Variants in KDM1B observed in about 807,000 individuals in gnomAD.
The protein encoded by KDM1B is lysine demethylase 1B, also known as lysine-specific histone demethylase 2.
Under a neutral mutation model 107.4 loss-of-function variants are expected in KDM1B, and 63 were observed. The observed-to-expected ratio is 0.59, with a 90% CI of 0.48 to 0.72. The LOEUF (loss-of-function observed/expected upper bound fraction) is 0.72. Ranked by LOEUF, KDM1B falls within the 30% of genes least tolerant of loss-of-function variation. The pLI is 0.00. For synonymous variants in KDM1B, 363 were observed against 363.9 expected, an observed-to-expected ratio of 1.00 and a Z score of 0.03; for missense variants, 749 against 1,020.8, an observed-to-expected ratio of 0.73 and a Z score of 3.63.
rs145386765 is a variant in KDM1B at position 18,206,787 on chromosome 6, G to A, written c.1660-611G>A. On this transcript the variant is annotated intron_variant, in intron 15 of 21. Transcript: ENST00000650836. Reference sequence around the variant, plus strand: ...GGCCTTGGGTCATTTCTGTGGAACCGTGGAGTCGGAAACACTGCTCTCGAG... The same window carrying A: ...GGCCTTGGGTCATTTCTGTGGAACCATGGAGTCGGAAACACTGCTCTCGAG... Among the ~76,000 whole-genome samples the A allele has an allele frequency of 1.1e-3, 175 of 152,194 alleles. 1 individual carries two copies. Among genetic ancestry groups the A allele is most frequent in the African/African-American group, 3.9e-3 (162 of 41,520 alleles).
chr6:18,177,163 G>A (rs1786074168), intron 7 of KDM1B, among the ~76,000 whole-genome samples: 1 of 152,094 alleles, frequency 6.6e-6, no homozygotes, highest in African/African-American at 2.4e-5. Context: ...GGCCTGTTCA[G>A]GGTATCTAAT....
At chr6:18,171,315 C>T (rs779241881) in intron 6 of KDM1B, 48 bp from the exon 7 acceptor site, 1 of 927,568 alleles carries the variant, frequency 1.1e-6, no homozygotes, top group African/African-American at 1.6e-5. Flanking sequence ...GAAATGGTAA[C>T]TGAAGATTAG....
intron 3 of KDM1B, among the ~76,000 whole-genome samples, chr6:18,160,196 C>T (rs966655279): frequency 3.9e-5 from 6 of 152,098 alleles, no homozygotes; most frequent in Admixed American, 1.3e-4. Flanking sequence ...AGTATAAAGG[C>T]GTAGAGTGTG....
chr6:18,206,093 T>A lies in KDM1B; in HGVS notation c.1659+429T>A, dbSNP rs192859333. On this transcript the variant is annotated intron_variant, in intron 15 of 21. Transcript: ENST00000650836. ...GGAAAGAATGATTCTCCTTAAAAGT[T>A]TGAAAACCATGACTTCTGAGCATAT... 2.2e-3 allele frequency among the ~76,000 whole-genome samples: 331 copies of A among 152,252 alleles called. 2 individuals carry two copies. The highest frequency in any genetic ancestry group is 7.4e-3 in the African/African-American group (308 of 41,558).
In KDM1B at chr6:18,159,213, G is replaced by C. The variant is rs919040356; in HGVS notation, c.-13-670G>C. ...GAACTCCTGACCTCATGATCCGCCT[G>C]CCTGGGCCTTGCAAAGTGCTGGGAT... On this transcript the variant is annotated intron_variant, in intron 2 of 21. Transcript: ENST00000650836. The surrounding 1 kb of genome is among the most constrained non-coding windows in gnomAD (Gnocchi z 4.5). Among the ~76,000 whole-genome samples the C allele has an allele frequency of 6.6e-6, 1 of 152,126 alleles. No homozygotes were observed. The highest frequency in any genetic ancestry group is 1.5e-5 in the Non-Finnish European group (1 of 68,032).
chr6:18,218,149 C>T (rs1789392095), intron 21 of KDM1B, among the ~76,000 whole-genome samples: 7 of 152,066 alleles, frequency 4.6e-5, no homozygotes, highest in Admixed American at 4.6e-4. Context: ...GAGACAGGGT[C>T]TCGCTCTGTG....
chr6:18,217,663 T>G (rs1303054590), intron 20 of KDM1B, 70 bp from the exon 21 acceptor site: 16 of 1,331,210 alleles, frequency 1.2e-5, no homozygotes, highest in Non-Finnish European at 1.7e-5. Context: ...ACTACAGGCA[T>G]GAGTCACTGC....
Position 18,211,337 on chromosome 6 carries a change from AGATATT to A in KDM1B, c.1867-1150_1867-1145del, listed in dbSNP as rs1312188483. Among the ~76,000 whole-genome samples the A allele has an allele frequency of 6.6e-6, 1 of 152,142 alleles. No individual in the cohort carries two copies. Among genetic ancestry groups the A allele is most frequent in the African/African-American group, 2.4e-5 (1 of 41,426 alleles). On this transcript the variant is annotated intron_variant, in intron 17 of 21. Coordinates refer to ENST00000650836, the MANE Select transcript of KDM1B (RefSeq NM_001364614.2). This position sits in a 1 kb window ranked among gnomAD's most constrained non-coding sequence, Gnocchi z 5.2. ...ATCCTAGGGTGTCATCCTGTACTGC[AGATATT>A]AGAAAGCAAATACACACACTCTTCC...
intron 7 of KDM1B, 41 bp from the exon 8 acceptor site, chr6:18,185,731 T>A: frequency 1.3e-6 from 2 of 1,584,164 alleles, no homozygotes; most frequent in Non-Finnish European, 1.7e-6. Flanking sequence ...AGACTATATT[T>A]TATAAGCAAC....
At chr6:18,219,777 C>G (rs1789536631) in intron 21 of KDM1B, among the ~76,000 whole-genome samples, 1 of 152,168 alleles carries the variant, frequency 6.6e-6, no homozygotes, top group Admixed American at 6.5e-5. Flanking sequence ...AACCAGTGGC[C>G]GGATTCCCAA....
chr6:18,207,268 C>T (rs1236223486), intron 15 of KDM1B, 130 bp from the exon 16 acceptor site: 3 of 865,744 alleles, frequency 3.5e-6, no homozygotes, highest in Non-Finnish European at 5.6e-6. Context: ...TGGTCTCTGC[C>T]TAGGCTGGTC....
chr6:18,163,359 G>A (rs1196263229), intron 5 of KDM1B, among the ~76,000 whole-genome samples: 1 of 152,108 alleles, frequency 6.6e-6, no homozygotes, highest in Non-Finnish European at 1.5e-5. Flanking sequence ...TGCACCCAGC[G>A]AAACAGTTAT....
At chr6:18,215,170 CT>C in intron 20 of KDM1B, 41 bp downstream of exon 20, 1 of 1,592,636 alleles carries the variant, frequency 6.3e-7, no homozygotes, top group Non-Finnish European at 8.5e-7. Context: ...GCAAGCCGTG[CT>C]TGCTATCCAG....
chr6:18,216,673 G>A (rs1004516722), intron 20 of KDM1B, among the ~76,000 whole-genome samples: 1 of 152,328 alleles, frequency 6.6e-6, no homozygotes, highest in South Asian at 2.1e-4. Flanking sequence ...GCACCGTTCT[G>A]AAGAGCGTGT....
intron 2 of KDM1B, among the ~76,000 whole-genome samples, chr6:18,156,579 C>G (rs1469981116): frequency 6.6e-6 from 1 of 152,010 alleles, no homozygotes; most frequent in African/African-American, 2.4e-5. Context: ...CTGGGAGAAT[C>G]AACAAAAGAT....
intron 5 of KDM1B, among the ~76,000 whole-genome samples, chr6:18,164,706 C>T (rs1166305626): frequency 6.6e-6 from 1 of 151,958 alleles, no homozygotes; most frequent in African/African-American, 2.4e-5. Context: ...AGTGCAGTGG[C>T]GTGATCTTGG....
At chr6:18,219,064 G>C (rs12200177) in intron 21 of KDM1B, among the ~76,000 whole-genome samples, 13 of 151,966 alleles carry the variant, frequency 8.6e-5, no homozygotes, top group African/African-American at 2.9e-4. Context: ...CACCACGCCC[G>C]ACTAATTTTT....
chr6:18,182,371 G>T (rs9477654), intron 7 of KDM1B, among the ~76,000 whole-genome samples: 2,945 of 152,048 alleles, frequency 0.019, 92 homozygotes, highest in African/African-American at 0.067. Flanking sequence ...TTTCAGCGTG[G>T]TATGCTGTTA....
At position 18,207,542 on chromosome 6, in the gene KDM1B, T is replaced by C; in HGVS notation, c.1791+13T>C. 6.2e-7 allele frequency: 1 copy of C among 1,613,834 alleles called. No homozygotes were observed. Reference sequence around the variant, plus strand: ...ACTCAAATCTCCAGTGAGTATCAACTGCTGGGAGGCTCTGGCTCGCCTTGT... The same window carrying C: ...ACTCAAATCTCCAGTGAGTATCAACCGCTGGGAGGCTCTGGCTCGCCTTGT... On this transcript the variant is annotated intron_variant, in intron 16 of 21. Coordinates refer to ENST00000650836, the MANE Select transcript of KDM1B (RefSeq NM_001364614.2).
Sources: allele counts gnomAD v4.1 joint callset (sites outside exome capture counted in the v4.1 genomes callset), GRCh38; gene constraint gnomAD v4.1.1; non-coding constraint Gnocchi (gnomAD v3.1); transcripts MANE v1.5; gene names NCBI Gene and HGNC (gene_info 2026-07-23, HGNC 2026-07-21).